Variants in LINGO2 observed in about 807,000 individuals in gnomAD.
LINGO2 encodes leucine-rich repeat and immunoglobulin-like domain-containing nogo receptor-interacting protein 2.
A neutral mutation model predicts 30.6 loss-of-function variants in LINGO2; 14 were observed. The ratio of observed to expected loss-of-function variants is 0.46; its 90% CI spans 0.30 to 0.72. LINGO2 has a LOEUF of 0.72. Among genes scored for constraint, LINGO2 ranks in the 30% least tolerant of loss-of-function variants. The pLI, the probability that LINGO2 is intolerant of heterozygous loss-of-function variation, is 0.07. For synonymous variants in LINGO2, 317 were observed against 288.5 expected (o/e 1.10, Z -1.00); for missense variants, 729 against 751.7 (o/e 0.97, Z 0.35).
At position 28,287,940 on chromosome 9, in the gene LINGO2, T is replaced by C. The variant is rs186946196; in HGVS notation, c.-87+7268A>G. On this transcript the variant is annotated intron_variant, in intron 4 of 5. Coordinates refer to ENST00000379992, the Ensembl canonical transcript of LINGO2. ...ATGTATTGATTTTCACTGGAAGACA[T>C]TTATTTAGTCAGCATTTAACAGAGA... Among the ~76,000 whole-genome samples, 3 of 152,276 alleles carry C rather than the reference T, an allele frequency of 2.0e-5. No homozygotes were observed. The East Asian group carries it at 5.8e-4, about 29-fold the overall frequency.
chr9:29,059,939 G>T, the LINGO2 span, among the ~76,000 whole-genome samples: 1 of 151,922 alleles, frequency 6.6e-6, no homozygotes, highest in Non-Finnish European at 1.5e-5. Flanking sequence ...TGAATGGCAG[G>T]GTAAGCCCAC....
rs143243222 is a variant in LINGO2 at position 28,453,668 on chromosome 9, C to T, written c.-279+22272G>A. ...GGTCTAATTCAGATTTATAGAAAAT[C>T]ATACCAGATTTCTTGCTAATACTAG... On this transcript the variant is annotated intron_variant, in intron 2 of 5. Transcript: ENST00000379992. 2.1e-4 allele frequency among the ~76,000 whole-genome samples: 32 copies of T among 151,956 alleles called. No homozygotes were observed. The East Asian group carries it at 6.2e-3, about 29-fold the overall frequency.
At chr9:28,848,062 T>TA in the LINGO2 span, among the ~76,000 whole-genome samples, 2,219 of 8,656 alleles carry the variant, frequency 0.26, 604 homozygotes, top group African/African-American at 0.5. Flanking sequence ...TATATATATA[T>TA]GTATATAATA....
At chr9:28,959,492 T>A in the LINGO2 span, among the ~76,000 whole-genome samples, 1 of 152,040 alleles carries the variant, frequency 6.6e-6, no homozygotes, top group East Asian at 1.9e-4. Flanking sequence ...TAGATACATG[T>A]ATAGGATCAC....
At chr9:28,494,670 A>G (rs1427240504) in intron 1 of LINGO2, among the ~76,000 whole-genome samples, 2 of 152,208 alleles carry the variant, frequency 1.3e-5, no homozygotes, top group African/African-American at 2.4e-5. Context: ...TAGTGCCGCA[A>G]TAAACATACG....
chr9:28,259,310 T>C (rs568353652), intron 4 of LINGO2, among the ~76,000 whole-genome samples: 84 of 152,162 alleles, frequency 5.5e-4, no homozygotes, highest in African/African-American at 2.0e-3. Context: ...AATGTATGAC[T>C]ATGGTAGAAT....
the LINGO2 span, among the ~76,000 whole-genome samples, chr9:29,003,280 C>T: frequency 2.2e-3 from 335 of 152,066 alleles, 1 homozygote; most frequent in African/African-American, 7.8e-3. Flanking sequence ...AAACAAATAC[C>T]GGTGTGGATT....
At chr9:29,121,662 A>G in the LINGO2 span, among the ~76,000 whole-genome samples, 4 of 152,270 alleles carry the variant, frequency 2.6e-5, no homozygotes, top group African/African-American at 9.6e-5. Flanking sequence ...AAGACTCTCC[A>G]GACAGAAGGA....
At chr9:29,201,966 T>C in the LINGO2 span, among the ~76,000 whole-genome samples, 2 of 152,046 alleles carry the variant, frequency 1.3e-5, no homozygotes, top group East Asian at 3.8e-4. Flanking sequence ...TTTTAGTCAC[T>C]GCATGTTACC....
chr9:28,962,019 G>GA, the LINGO2 span, among the ~76,000 whole-genome samples: 1 of 152,112 alleles, frequency 6.6e-6, no homozygotes, highest in East Asian at 1.9e-4. Context: ...AAGCTTTAGG[G>GA]AAAAAATACA....
chr9:28,922,008 A>G, the LINGO2 span, among the ~76,000 whole-genome samples: 1 of 152,104 alleles, frequency 6.6e-6, no homozygotes, highest in Non-Finnish European at 1.5e-5. Flanking sequence ...TCACTGCCCC[A>G]TGCCCTCCCC....
At chr9:28,150,733 A>C (rs1441392982) in intron 4 of LINGO2, among the ~76,000 whole-genome samples, 1 of 152,216 alleles carries the variant, frequency 6.6e-6, no homozygotes, top group African/African-American at 2.4e-5. Context: ...AAGAAGTCTG[A>C]TTTATCCAGA....
chr9:29,017,974 T>G, the LINGO2 span, among the ~76,000 whole-genome samples: 2 of 150,876 alleles, frequency 1.3e-5, no homozygotes, highest in African/African-American at 4.9e-5. Context: ...GGCTTACAAC[T>G]TAGGTGCCTG....
At chr9:28,840,544 A>T in the LINGO2 span, among the ~76,000 whole-genome samples, 1 of 151,846 alleles carries the variant, frequency 6.6e-6, no homozygotes, top group Non-Finnish European at 1.5e-5. Context: ...TCTTTTATTC[A>T]GTCAAACATC....
At position 28,243,648 on chromosome 9, in the gene LINGO2, C is replaced by CA. The variant is rs202040023; in HGVS notation, c.-87+51559dup. Among the ~76,000 whole-genome samples, 133 of 150,014 alleles carry CA rather than the reference C, an allele frequency of 8.9e-4. 1 individual carries two copies. The highest frequency in any genetic ancestry group is 1.6e-3 in the African/African-American group (65 of 40,814). ...ACAAACAAACAAACAAACAAAAAAA[C>CA]AAAAAAAACGGGTTGGATTCCTAGT... is the stretch of plus-strand genomic sequence containing the variant. On this transcript the variant is annotated intron_variant, in intron 4 of 5. Coordinates refer to ENST00000379992, the Ensembl canonical transcript of LINGO2.
chr9:28,746,108 T>G, the LINGO2 span, among the ~76,000 whole-genome samples: 1 of 152,128 alleles, frequency 6.6e-6, no homozygotes, highest in South Asian at 2.1e-4. Context: ...TAGATGAGAT[T>G]ATTGAGTTCA....
intron 4 of LINGO2, among the ~76,000 whole-genome samples, chr9:28,089,478 T>A (rs1386941429): frequency 6.6e-6 from 1 of 151,986 alleles, no homozygotes; most frequent in Non-Finnish European, 1.5e-5. Flanking sequence ...GGGTGCATAA[T>A]GAAATGAAGG....
At chr9:29,188,621 AGGGGCTCCTC>A in the LINGO2 span, among the ~76,000 whole-genome samples, 1 of 151,868 alleles carries the variant, frequency 6.6e-6, no homozygotes, top group Admixed American at 6.6e-5. Flanking sequence ...GGCCGGGCAG[AGGGGCTCCTC>A]ACTTCCCAGT....
intron 5 of LINGO2, among the ~76,000 whole-genome samples, chr9:28,001,717 C>T (rs1275348209): frequency 6.6e-6 from 1 of 151,456 alleles, no homozygotes; most frequent in Non-Finnish European, 1.5e-5. Flanking sequence ...AAAAAAAGCA[C>T]AAGTACAGCT....
Sources: allele counts gnomAD v4.1 joint callset (sites outside exome capture counted in the v4.1 genomes callset), GRCh38; gene constraint gnomAD v4.1.1; transcripts MANE v1.5; gene names NCBI Gene and HGNC (gene_info 2026-07-23, HGNC 2026-07-21).